GBE1: variants seen among roughly 807,000 people sequenced by gnomAD.
GBE1 encodes 1,4-alpha-glucan branching enzyme 1.
In GBE1, 70 loss-of-function variants were observed where a neutral mutation model predicts 88.8. That is an observed-to-expected ratio of 0.79 (90% confidence interval 0.65 to 0.96). GBE1 has a LOEUF of 0.96. Among genes scored for constraint, GBE1 ranks in the 40% least tolerant of loss-of-function variants. GBE1 has a pLI of 0.00. For missense variants in GBE1, 872 were observed against 871.0 expected, an observed-to-expected ratio of 1.00 and a Z score of -0.01; for synonymous variants, 284 against 300.1, an observed-to-expected ratio of 0.95 and a Z score of 0.56.
chr3:81,540,782 G>A (rs1703133241), intron 12 of GBE1, among the ~76,000 whole-genome samples: 1 of 152,028 alleles, frequency 6.6e-6, no homozygotes, highest in African/African-American at 2.4e-5. Flanking sequence ...GACACAGACT[G>A]ATTGGGTAAA....
chr3:81,657,693 A>G (rs1396265444), intron 3 of GBE1, among the ~76,000 whole-genome samples: 1 of 152,170 alleles, frequency 6.6e-6, no homozygotes, highest in Non-Finnish European at 1.5e-5. Flanking sequence ...CCAAATAAAC[A>G]TAACTGTTTT....
In GBE1 at chr3:81,693,361, G is replaced by T. The variant is rs142777337; in HGVS notation, c.313+12083C>A. 5.4e-3 allele frequency among the ~76,000 whole-genome samples: 815 copies of T among 151,932 alleles called. 9 individuals are homozygous for T. The highest frequency in any genetic ancestry group is 0.015 in the African/African-American group (603 of 41,420). ...CTTTAGAAAGTATTAGGAAAGTATT[G>T]GTAATTACTTCCTAACGTATCTTTA... On this transcript the variant is annotated intron_variant, in intron 2 of 15. Coordinates refer to ENST00000429644, the MANE Select transcript of GBE1 (RefSeq NM_000158.4).
intron 2 of GBE1, among the ~76,000 whole-genome samples, chr3:81,685,409 G>A (rs76646400): frequency 0.014 from 2,119 of 151,910 alleles, 92 homozygotes; most frequent in Admixed American, 0.069. Flanking sequence ...TCTTCTGTTT[G>A]TTTGTTTGTT....
chr3:81,570,666 A>T (rs957656997), intron 12 of GBE1, among the ~76,000 whole-genome samples: 4 of 152,220 alleles, frequency 2.6e-5, no homozygotes, highest in African/African-American at 9.6e-5. Context: ...GTGGAAAGGT[A>T]GGCAGTAGTT....
intron 1 of GBE1, among the ~76,000 whole-genome samples, chr3:81,744,889 C>T (rs1313630592): frequency 6.6e-6 from 1 of 152,198 alleles, no homozygotes; most frequent in Non-Finnish European, 1.5e-5. Flanking sequence ...CTTAAAGACT[C>T]ATTCTAATTT....
intron 10 of GBE1, among the ~76,000 whole-genome samples, chr3:81,585,647 G>A (rs960513743): frequency 6.6e-6 from 1 of 152,072 alleles, no homozygotes; most frequent in Non-Finnish European, 1.5e-5. Flanking sequence ...TTTTAATGTT[G>A]AATAAAGGAA....
intron 7 of GBE1, among the ~76,000 whole-genome samples, chr3:81,604,268 C>T (rs541097781): frequency 6.9e-6 from 1 of 145,372 alleles, no homozygotes; most frequent in East Asian, 2.1e-4. Context: ...AAAATATTAA[C>T]TTTTCTTTTC....
intron 1 of GBE1, among the ~76,000 whole-genome samples, chr3:81,722,405 G>C (rs2107192076): frequency 6.6e-6 from 1 of 151,864 alleles, no homozygotes; most frequent in East Asian, 1.9e-4. Context: ...CTTGATAATG[G>C]GGTTAATGAT....
At chr3:81,743,446 C>T in intron 1 of GBE1, 2 of 710,658 alleles carry the variant, frequency 2.8e-6, no homozygotes, top group East Asian at 5.6e-5. Context: ...ACACATACAC[C>T]CCCACAATAT....
intron 1 of GBE1, among the ~76,000 whole-genome samples, chr3:81,725,927 C>G (rs763435826): frequency 4.6e-5 from 7 of 152,174 alleles, no homozygotes; most frequent in Non-Finnish European, 1.0e-4. Flanking sequence ...TCCAAATGTT[C>G]CAAGCAGTCA....
chr3:81,683,558 T>A (rs946818879), intron 2 of GBE1, among the ~76,000 whole-genome samples: 1 of 152,200 alleles, frequency 6.6e-6, no homozygotes, highest in Non-Finnish European at 1.5e-5. Context: ...TTTACTCAAA[T>A]GAAAATAGGT....
At chr3:81,497,298 T>G (rs1053389905) in intron 15 of GBE1, among the ~76,000 whole-genome samples, 1 of 152,178 alleles carries the variant, frequency 6.6e-6, no homozygotes, top group Non-Finnish European at 1.5e-5. Context: ...TTCTTAATTG[T>G]GTGTCCTGGA....
chr3:81,711,291 G>A (rs1705861868), intron 1 of GBE1, among the ~76,000 whole-genome samples: 1 of 152,136 alleles, frequency 6.6e-6, no homozygotes, highest in Admixed American at 6.6e-5. Context: ...TGCTTCCTAT[G>A]GGAGGCTTGG....
intron 12 of GBE1, among the ~76,000 whole-genome samples, chr3:81,575,461 T>C (rs1703635363): frequency 6.6e-6 from 1 of 152,134 alleles, no homozygotes; most frequent in African/African-American, 2.4e-5. Context: ...TCTACATTAA[T>C]CTTAATGACT....
intron 6 of GBE1, among the ~76,000 whole-genome samples, chr3:81,643,706 C>T (rs999886350): frequency 2.0e-5 from 3 of 152,166 alleles, no homozygotes; most frequent in African/African-American, 7.2e-5. Flanking sequence ...CCTCACTCGA[C>T]TATATGCTCC....
At chr3:81,531,897 G>C (rs1357623942) in intron 14 of GBE1, among the ~76,000 whole-genome samples, 1 of 152,040 alleles carries the variant, frequency 6.6e-6, no homozygotes, top group Non-Finnish European at 1.5e-5. Flanking sequence ...TCCAAATGCT[G>C]GGACAGCAGA....
chr3:81,606,247 G>A (rs2106979519), intron 7 of GBE1, among the ~76,000 whole-genome samples: 1 of 152,248 alleles, frequency 6.6e-6, no homozygotes, highest in South Asian at 2.1e-4. Flanking sequence ...TTAAAAATGA[G>A]CCTTCTTTCA....
chr3:81,586,790 A>ATT (rs11320816), intron 9 of GBE1, among the ~76,000 whole-genome samples: 2 of 146,782 alleles, frequency 1.4e-5, no homozygotes, highest in African/African-American at 5.0e-5. Context: ...AAGATAGAGA[A>ATT]TTTTTTTTTT....
intron 1 of GBE1, among the ~76,000 whole-genome samples, chr3:81,738,936 G>A (rs891214504): frequency 6.6e-6 from 1 of 152,170 alleles, no homozygotes; most frequent in Non-Finnish European, 1.5e-5. Flanking sequence ...CATAGTTCTG[G>A]AAGCTGGTTA....
Sources: gnomAD v4.1 joint callset for allele counts (sites outside exome capture counted in the v4.1 genomes callset) on GRCh38, gnomAD v4.1.1 for gene constraint, MANE v1.5 for transcripts, NCBI Gene and HGNC (gene_info 2026-07-23, HGNC 2026-07-21) for gene names.